Variants in ELAVL4 observed in about 807,000 individuals in gnomAD.
The protein encoded by ELAVL4 is ELAV-like protein 4.
ELAVL4 carries 1 observed loss-of-function variant against 35.6 expected under a neutral mutation model. The ratio of observed to expected loss-of-function variants is 0.03; its 90% CI spans 0.01 to 0.13. ELAVL4 has a LOEUF of 0.13. Among genes scored for constraint, ELAVL4 ranks in the 10% least tolerant of loss-of-function variants. ELAVL4 has a pLI of 1.00. For synonymous variants in ELAVL4, 156 were observed against 171.0 expected, an observed-to-expected ratio of 0.91 and a Z score of 0.69; for missense variants, 267 against 464.9, an observed-to-expected ratio of 0.57 and a Z score of 3.91.
At chr1:50,177,040 C>A in intron 2 of ELAVL4, 49 bp from the exon 3 acceptor site, 1 of 1,488,864 alleles carries the variant, frequency 6.7e-7, no homozygotes, top group South Asian at 1.1e-5. Context: ...CTCTTTCTCT[C>A]TGTCTGTCTC....
At chr1:50,124,051 A>C (rs1166770062) in intron 1 of ELAVL4, among the ~76,000 whole-genome samples, 1 of 152,072 alleles carries the variant, frequency 6.6e-6, no homozygotes. Context: ...GATATTAATT[A>C]GGTGTTTCAT....
At chr1:50,182,415 C>T (rs1557847071) in intron 3 of ELAVL4, among the ~76,000 whole-genome samples, 1 of 152,186 alleles carries the variant, frequency 6.6e-6, no homozygotes. Context: ...TAGGATTAAA[C>T]AAGCGTTCAC....
At chr1:50,072,823 G>C (rs1311588837) in intron 1 of ELAVL4, among the ~76,000 whole-genome samples, 1 of 152,164 alleles carries the variant, frequency 6.6e-6, no homozygotes, top group Non-Finnish European at 1.5e-5. Flanking sequence ...TGAGGAAACT[G>C]AAGTTTCAAG....
chr1:50,079,923 C>T (rs1268424451), intron 1 of ELAVL4, among the ~76,000 whole-genome samples: 1 of 152,130 alleles, frequency 6.6e-6, no homozygotes, highest in Non-Finnish European at 1.5e-5. Flanking sequence ...CAAAGACACC[C>T]TTCTCCCTCT....
At chr1:50,124,631 G>T (rs1669580156) in intron 1 of ELAVL4, among the ~76,000 whole-genome samples, 1 of 151,982 alleles carries the variant, frequency 6.6e-6, no homozygotes, top group Admixed American at 6.6e-5. Context: ...TTATTAATAG[G>T]GATATTTTTG....
intron 1 of ELAVL4, among the ~76,000 whole-genome samples, chr1:50,133,641 A>AAG (rs1553174573): frequency 6.8e-6 from 1 of 147,786 alleles, no homozygotes; most frequent in Non-Finnish European, 1.5e-5. Context: ...GAAAGAAAGA[A>AAG]AGAAAGAAAG....
chr1:50,080,283 A>G (rs1664948475), intron 1 of ELAVL4, among the ~76,000 whole-genome samples: 1 of 152,204 alleles, frequency 6.6e-6, no homozygotes, highest in African/African-American at 2.4e-5. Flanking sequence ...ATATCTTAGC[A>G]GAAGCTGACA....
chr1:50,050,065 C>G (rs1663272732), intron 1 of ELAVL4, among the ~76,000 whole-genome samples: 1 of 152,194 alleles, frequency 6.6e-6, no homozygotes. Flanking sequence ...ATTCTTGGTT[C>G]CGGTCTGACC....
chr1:50,079,347 A>G (rs1354695032), intron 1 of ELAVL4, among the ~76,000 whole-genome samples: 1 of 152,202 alleles, frequency 6.6e-6, no homozygotes, highest in East Asian at 1.9e-4. Context: ...TCACAGGGGA[A>G]GAGAAGGGAA....
At chr1:50,200,680 T>C in intron 6 of ELAVL4, 171 bp from the exon 7 acceptor site, 2 of 1,322,256 alleles carry the variant, frequency 1.5e-6, no homozygotes, top group African/African-American at 1.5e-5. Context: ...GCCATTCCCA[T>C]CAGAGGAAAT....
At chr1:50,084,578 A>C (rs1414095126) in intron 1 of ELAVL4, among the ~76,000 whole-genome samples, 1 of 151,918 alleles carries the variant, frequency 6.6e-6, no homozygotes, top group Non-Finnish European at 1.5e-5. Context: ...CCTTCATCTC[A>C]TACCTGCCCC....
At chr1:50,152,115 C>A (rs1398294070) in intron 2 of ELAVL4, among the ~76,000 whole-genome samples, 1 of 152,118 alleles carries the variant, frequency 6.6e-6, no homozygotes, top group African/African-American at 2.4e-5. Flanking sequence ...CATCTTCTGA[C>A]ACAATTTTTT....
intron 2 of ELAVL4, 72 bp from the exon 3 acceptor site, chr1:50,177,017 G>T (rs1680154599): frequency 1.7e-6 from 2 of 1,184,852 alleles, no homozygotes; most frequent in Non-Finnish European, 2.4e-6. Context: ...TACTGAGCAT[G>T]CTCTCTCTCT....
upstream of ELAVL4, chr1:50,106,485 TGTG>T: frequency 1.0e-6 from 1 of 984,286 alleles, no homozygotes; most frequent in Non-Finnish European, 1.6e-6. Flanking sequence ...AGTTTCTTTC[TGTG>T]GTGGTGGATT....
At chr1:50,072,206 G>GAAA (rs1241137815) in intron 1 of ELAVL4, among the ~76,000 whole-genome samples, 2 of 152,132 alleles carry the variant, frequency 1.3e-5, no homozygotes, top group South Asian at 4.2e-4. Flanking sequence ...TGAAGTAAAT[G>GAAA]AATAAATAAA....
chr1:50,083,890 T>G (rs1665120177), intron 1 of ELAVL4, among the ~76,000 whole-genome samples: 1 of 152,222 alleles, frequency 6.6e-6, no homozygotes, highest in African/African-American at 2.4e-5. Context: ...ACTACTTGTT[T>G]GGTATTTCAA....
chr1:50,193,869 G>T lies in ELAVL4; in HGVS notation c.459G>T (p.Ser153=), dbSNP rs201068285. The stretch of plus-strand genomic sequence containing the variant: ...AGAAGGAACTGGAGCAACTTTTCTC[G>T]CAATACGGCCGTATCATCACCTCAC... ...MTQKELEQLF[S]QYGRIITSRI... Residue 153 remains serine (S), a synonymous_variant, in exon 4 of 7, where the codon TCG becomes TCT. Coordinates refer to ENST00000371824, the MANE Select transcript of ELAVL4 (RefSeq NM_001144774.3). The T allele has an allele frequency of 1.9e-6, 3 of 1,613,994 alleles. No homozygotes were observed. The highest frequency in any genetic ancestry group is 2.2e-5 in the East Asian group (1 of 44,870).
intron 1 of ELAVL4, among the ~76,000 whole-genome samples, chr1:50,078,305 G>A (rs1279460885): frequency 2.0e-5 from 3 of 152,074 alleles, no homozygotes; most frequent in Non-Finnish European, 4.4e-5. Flanking sequence ...ATGGAGTGGG[G>A]GAAGTGAGTG....
At chr1:50,069,525 A>G (rs943147515) in intron 1 of ELAVL4, among the ~76,000 whole-genome samples, 1 of 152,160 alleles carries the variant, frequency 6.6e-6, no homozygotes, top group African/African-American at 2.4e-5. Flanking sequence ...ACTCTGGCCC[A>G]GAGAAGTTGT....
Sources: allele counts gnomAD v4.1 joint callset (sites outside exome capture counted in the v4.1 genomes callset), GRCh38; gene constraint gnomAD v4.1.1; transcripts MANE v1.5; gene names NCBI Gene and HGNC (gene_info 2026-07-23, HGNC 2026-07-21).